Variants in POLR1C observed in about 807,000 individuals in gnomAD.
POLR1C encodes DNA-directed RNA polymerases I and III subunit RPAC1.
In POLR1C, 42 loss-of-function variants were observed where a neutral mutation model predicts 38.3. That is an observed-to-expected ratio of 1.10 (90% CI 0.86 to 1.42). The LOEUF is 1.42. Among genes scored for constraint, POLR1C ranks in the 40% most tolerant of loss-of-function variants. The pLI, the probability that POLR1C is intolerant of heterozygous loss-of-function variation, is 0.00. For missense variants in POLR1C, 507 were observed against 450.5 expected, an observed-to-expected ratio of 1.13 and a Z score of -1.14; for synonymous variants, 163 against 163.9, an observed-to-expected ratio of 0.99 and a Z score of 0.04.
intron 9 of POLR1C, among the ~76,000 whole-genome samples, chr6:43,537,504 A>G (rs1389093538): frequency 2.6e-5 from 4 of 152,242 alleles, no homozygotes; most frequent in African/African-American, 9.6e-5. Context: ...TCAACTCTGC[A>G]TTGAAGCGCA....
chr6:43,551,715 T>G (rs1022721858), intron 10 of POLR1C, among the ~76,000 whole-genome samples: 4 of 151,886 alleles, frequency 2.6e-5, no homozygotes, highest in African/African-American at 7.3e-5. Flanking sequence ...TGTAGAGATG[T>G]TGTAGAAGTG....
At position 43,521,039 on chromosome 6, in the gene POLR1C, CATT is replaced by C. The variant is rs774083211; in HGVS notation, c.916_918del (p.Tyr306del). ...TGTGAGGCTTGCCCGGGTTCGAGAT[CATT>C]ATATCTGTGAGTATGAAGTGGTGAG... On this transcript the variant is annotated inframe_deletion, in exon 8 of 9. Coordinates refer to ENST00000642195, the MANE Select transcript of POLR1C (RefSeq NM_203290.4). 3 of 1,613,106 alleles carry C rather than the reference CATT, an allele frequency of 1.9e-6. No individual in the cohort carries two copies. The highest frequency in any genetic ancestry group is 1.3e-5 in the African/African-American group (1 of 74,906).
intron 9 of POLR1C, chr6:43,547,585 T>G: frequency 6.2e-7 from 1 of 1,611,714 alleles, no homozygotes; most frequent in Non-Finnish European, 8.5e-7. Context: ...CAATGCCACT[T>G]CCCATTCCCA....
chr6:43,524,792 A>G (rs1257259586), downstream of POLR1C: 4 of 1,588,474 alleles, frequency 2.5e-6, no homozygotes, highest in Non-Finnish European at 3.4e-6. Context: ...CTGAGTGATG[A>G]AGCTGCAGCC....
At chr6:43,552,581 G>A (rs1367662426) in intron 10 of POLR1C, among the ~76,000 whole-genome samples, 1 of 152,168 alleles carries the variant, frequency 6.6e-6, no homozygotes. Flanking sequence ...TGGAACTCCT[G>A]AACTCAAGTG....
At position 43,518,300 on chromosome 6, in the gene POLR1C, G is replaced by A. The variant is rs182802369; in HGVS notation, c.141+923G>A. 3.3e-5 allele frequency among the ~76,000 whole-genome samples: 5 copies of A among 152,348 alleles called. No homozygotes were observed. The East Asian group carries it at 9.6e-4, about 29-fold the overall frequency. On this transcript the variant is annotated intron_variant, in intron 2 of 8. Transcript: ENST00000642195. ...GTAGAAATAGAGCAAAGGTAGAATA[G>A]AAGGTAAATTTATGATTGCTTTGGT...
chr6:43,522,649 C>T (rs765328737), downstream of POLR1C: 1 of 444,872 alleles, frequency 2.2e-6, no homozygotes. Flanking sequence ...CAATCTGACC[C>T]TGCCTGTGGC....
chr6:43,520,016 C>T (rs756260977), intron 4 of POLR1C, 50 bp from the exon 5 acceptor site: 2 of 1,608,278 alleles, frequency 1.2e-6, no homozygotes, highest in Admixed American at 1.7e-5. Context: ...CAGCATAGTG[C>T]TGGCACTCAG....
chr6:43,517,281 G>A (rs756022361), intron 1 of POLR1C, 25 bp from the exon 2 acceptor site: 6 of 1,612,524 alleles, frequency 3.7e-6, no homozygotes, highest in Non-Finnish European at 5.1e-6. Flanking sequence ...GTCCCTTCGT[G>A]GACAAATTCG....
intron 9 of POLR1C, chr6:43,549,399 G>T: frequency 7.6e-7 from 1 of 1,313,488 alleles, no homozygotes; most frequent in Non-Finnish European, 1.0e-6. Context: ...ATAGTTTCTA[G>T]TTTTTTCTTT....
chr6:43,522,090 T>C (rs1325683521), downstream of POLR1C, among the ~76,000 whole-genome samples: 3 of 152,214 alleles, frequency 2.0e-5, no homozygotes, highest in African/African-American at 4.8e-5. Context: ...CAAAGAACAG[T>C]AGCAATTCCT....
At chr6:43,518,467 A>T (rs371096877) in intron 2 of POLR1C, among the ~76,000 whole-genome samples, 1 of 152,218 alleles carries the variant, frequency 6.6e-6, no homozygotes, top group South Asian at 2.1e-4. Flanking sequence ...GAAATCTAGC[A>T]GGCTAGAAGA....
chr6:43,523,615 C>T (rs1321462165), downstream of POLR1C: 4 of 720,172 alleles, frequency 5.6e-6, no homozygotes, highest in East Asian at 2.9e-5. Flanking sequence ...AAAGCCAAAT[C>T]TCCAAGTAGA....
downstream of POLR1C, chr6:43,526,494 G>A (rs773687123): frequency 1.6e-6 from 1 of 617,286 alleles, no homozygotes; most frequent in Non-Finnish European, 2.9e-6. Flanking sequence ...CTGAGACAGA[G>A]GAAACAGCAA....
chr6:43,524,047 G>C, downstream of POLR1C: 1 of 1,598,276 alleles, frequency 6.3e-7, no homozygotes, highest in Non-Finnish European at 8.5e-7. Flanking sequence ...TGGGCCCTCA[G>C]TAGTAGTTAA....
chr6:43,561,093 T>C, intron 10 of POLR1C: 2 of 1,123,126 alleles, frequency 1.8e-6, no homozygotes, highest in South Asian at 2.6e-5. Flanking sequence ...ACAGATAAAT[T>C]AAACCCTCAA....
chr6:43,531,424 CCTATA>C, downstream of POLR1C: 1 of 1,525,902 alleles, frequency 6.6e-7, no homozygotes, highest in Non-Finnish European at 9.1e-7. Context: ...CATGGACATT[CCTATA>C]CAATACATAT....
chr6:43,539,470 C>A lies in POLR1C; in HGVS notation c.*4+10111C>A, dbSNP rs1794560573. On this transcript the variant is annotated intron_variant, in intron 9 of 10. Transcript: ENST00000607635. ...GCAGGGAGAAGAGATAGATCTCCTCCAGGGACTTGATCTTCATGTCCTTGA... is the reference window on the plus strand; with the variant it reads ...GCAGGGAGAAGAGATAGATCTCCTCAAGGGACTTGATCTTCATGTCCTTGA... 27 of 1,577,396 alleles carry A rather than the reference C, an allele frequency of 1.7e-5. No individual in the cohort carries two copies. In the South Asian group the frequency reaches 2.9e-4, roughly 17 times the overall value.
At position 43,520,773 on chromosome 6, in the gene POLR1C, AGGTAT is replaced by A; in HGVS notation, c.805+5_805+9del. ...GTGTTATTGAGGTGCAGGAAGTCCA[AGGTAT>A]GGTATTTGGGATGCTGTTCAAGTTA... On this transcript the variant is annotated splice_donor_variant and splice_donor_region_variant and coding_sequence_variant and intron_variant, in exon 7 of 9. Coordinates refer to ENST00000642195, the MANE Select transcript of POLR1C (RefSeq NM_203290.4). LOFTEE classifies it high-confidence loss of function. 2 of 1,613,950 alleles carry A rather than the reference AGGTAT, an allele frequency of 1.2e-6. No homozygotes were observed. Among genetic ancestry groups the A allele is most frequent in the Non-Finnish European group, 1.7e-6 (2 of 1,180,006 alleles).
Sources: gnomAD v4.1 joint callset for allele counts (sites outside exome capture counted in the v4.1 genomes callset) on GRCh38, gnomAD v4.1.1 for gene constraint, MANE v1.5 for transcripts, NCBI Gene and HGNC (gene_info 2026-07-23, HGNC 2026-07-21) for gene names.